Variants in PHF19 observed in about 807,000 individuals in gnomAD.
PHF19 encodes the protein polycomb like 3.
PHF19 carries 21 observed loss-of-function variants against 79.8 expected under a neutral mutation model. The observed-to-expected ratio is 0.26, with a 90% CI of 0.19 to 0.38. The LOEUF (loss-of-function observed/expected upper bound fraction) is 0.38, where lower values mean the gene tolerates loss of function less well. Among genes scored for constraint, PHF19 ranks in the 10% least tolerant of loss-of-function variants. The pLI is 1.00. For synonymous variants in PHF19, 273 were observed against 296.3 expected (o/e 0.92, Z 0.81); for missense variants, 445 against 744.2 (o/e 0.60, Z 4.68).
intron 1 of PHF19, among the ~76,000 whole-genome samples, chr9:120,883,254 C>T (rs932264637): frequency 6.6e-6 from 1 of 152,192 alleles, no homozygotes; most frequent in Non-Finnish European, 1.5e-5. Context: ...ACTGGAGATC[C>T]TATTTCCCTG....
At chr9:120,896,618 AT>A (rs1485520943), upstream of PHF19, among the ~76,000 whole-genome samples, 2 of 150,482 alleles carry the variant, frequency 1.3e-5, no homozygotes, top group South Asian at 2.1e-4. Flanking sequence ...CGCCCGGCTA[AT>A]TTTTTTTGTA....
intron 1 of PHF19, among the ~76,000 whole-genome samples, chr9:120,886,122 G>A (rs1193455887): frequency 6.6e-6 from 1 of 152,200 alleles, no homozygotes; most frequent in Non-Finnish European, 1.5e-5. Flanking sequence ...AGTCCCAGAT[G>A]CCTCCCCCTG....
At chr9:120,867,928 A>G (rs1588106750) in intron 6 of PHF19, among the ~76,000 whole-genome samples, 1 of 152,306 alleles carries the variant, frequency 6.6e-6, no homozygotes, top group South Asian at 2.1e-4. Context: ...CCATGGCTAC[A>G]TAGAGGCCCA....
chr9:120,860,446 C>T lies in PHF19; in HGVS notation c.1305-261G>A. ...AATAACTCGAGCGTGATCCAAGGCA[C>T]CTGTGCAACACTTCACAGGTCAAAA... On this transcript the variant is annotated intron_variant, in intron 13 of 14. Coordinates refer to ENST00000373896, the MANE Select transcript of PHF19 (RefSeq NM_015651.3). The surrounding 1 kb of genome is among the most constrained non-coding windows in gnomAD (Gnocchi z 4.1). 2.2e-6 allele frequency: 1 copy of T among 463,700 alleles called. No homozygotes were observed. 28.7% of individuals were successfully genotyped at this position (463,700 alleles called of 1,614,324 possible).
Position 120,869,015 on chromosome 9 carries a change from T to A in PHF19, c.614+167A>T. 20 of 172,192 alleles carry A rather than the reference T, an allele frequency of 1.2e-4. No homozygotes were observed. The highest frequency in any genetic ancestry group is 8.8e-4 in the East Asian group (2 of 2,270). 10.7% of individuals were successfully genotyped at this position (172,192 alleles called of 1,614,324 possible). ...GAGGCCCCACCCCCGCGGCTGACAC[T>A]CCAGGCCCGCCCCTCGAGGCCCCGC... On this transcript the variant is annotated intron_variant, in intron 6 of 14. Coordinates refer to ENST00000373896, the MANE Select transcript of PHF19 (RefSeq NM_015651.3). This position sits in a 1 kb window ranked among gnomAD's most constrained non-coding sequence, Gnocchi z 5.8.
chr9:120,867,201 T>C (rs756316361), intron 6 of PHF19, among the ~76,000 whole-genome samples: 4 of 152,180 alleles, frequency 2.6e-5, no homozygotes, highest in African/African-American at 7.2e-5. Flanking sequence ...AAGTCACAGG[T>C]GAAATGGCTT....
chr9:120,864,762 T>C (rs1234893842), intron 9 of PHF19, among the ~76,000 whole-genome samples: 2 of 152,186 alleles, frequency 1.3e-5, no homozygotes, highest in Non-Finnish European at 2.9e-5. Flanking sequence ...AAAAGATTAT[T>C]TAAAATTGTA....
chr9:120,858,482 AT>A (rs2045412081), intron 14 of PHF19, among the ~76,000 whole-genome samples, 196 bp from the exon 15 acceptor site: 1 of 152,200 alleles, frequency 6.6e-6, no homozygotes, highest in African/African-American at 2.4e-5. Flanking sequence ...TGCCTTGGGC[AT>A]AGATTATCTC....
rs2045369235 is a variant in PHF19, at chr9:120,856,764, G to A, written c.*1180C>T. ...TTGTCCATTTCAGGGCAGGGCAAGG[G>A]ATATGAAAGAGGGTGAGTCCCCTGT... On this transcript the variant is annotated 3_prime_UTR_variant, in exon 15 of 15. Coordinates refer to ENST00000373896, the MANE Select transcript of PHF19 (RefSeq NM_015651.3). 1 of 152,742 alleles carries A rather than the reference G, an allele frequency of 6.5e-6. No homozygotes were observed. Among genetic ancestry groups the A allele is most frequent in the South Asian group, 2.1e-4 (1 of 4,838 alleles). 9.5% of individuals were successfully genotyped at this position (152,742 alleles called of 1,614,324 possible). A position where few individuals can be genotyped will look rare whatever the true frequency, so the allele number is the denominator to read the frequency against.
At chr9:120,883,439 A>G (rs932589218) in intron 1 of PHF19, among the ~76,000 whole-genome samples, 1 of 152,346 alleles carries the variant, frequency 6.6e-6, no homozygotes, top group East Asian at 1.9e-4. Context: ...ATGAAGATGA[A>G]TAAGATGCAG....
In PHF19 at chr9:120,862,657, T is replaced by C. The variant is rs2045567949; in HGVS notation, c.1061A>G (p.Asp354Gly). The C allele has an allele frequency of 6.2e-7, 1 of 1,614,074 alleles. No homozygotes were observed. The highest frequency in any genetic ancestry group is 1.7e-5 in the Admixed American group (1 of 60,010). The change falls in exon 11 of 15, where the codon GAC becomes GGC. Residue 354 changes from aspartate to glycine, a missense_variant. Transcript: ENST00000373896. This position sits in a 1 kb window ranked among gnomAD's most constrained non-coding sequence, Gnocchi z 4.6. Reference sequence around the variant, plus strand: ...GTTCTCATTTGGCAGCAGTCCTTTGTCAGGCAGCAGCTTCCCTGGCGGGTT... The same window carrying C: ...GTTCTCATTTGGCAGCAGTCCTTTGCCAGGCAGCAGCTTCCCTGGCGGGTT... ...PPNPPGKLLPDKGLLPNENSA... is the reference protein window; with the variant it reads ...PPNPPGKLLPGKGLLPNENSA...
chr9:120,863,243 G>A (rs2045589630), intron 10 of PHF19, among the ~76,000 whole-genome samples: 3 of 149,818 alleles, frequency 2.0e-5, no homozygotes, highest in Non-Finnish European at 4.5e-5. Context: ...TGGGAGGGCA[G>A]GTGGCCTCTT....
chr9:120,869,654 T>A lies in PHF19; in HGVS notation c.465+191A>T. The A allele has an allele frequency of 6.5e-7, 1 of 1,544,330 alleles. No homozygotes were observed. Among genetic ancestry groups the A allele is most frequent in the Non-Finnish European group, 8.8e-7 (1 of 1,141,536 alleles). ...TTCCCGACACCAAACCCATCTCCAC[T>A]TTACAGTTGAGGAAACTGAGGCTCA... is the stretch of plus-strand genomic sequence containing the variant. On this transcript the variant is annotated intron_variant, in intron 5 of 14. Coordinates refer to ENST00000373896, the MANE Select transcript of PHF19 (RefSeq NM_015651.3). This position sits in a 1 kb window ranked among gnomAD's most constrained non-coding sequence, Gnocchi z 5.8.
Position 120,862,518 on chromosome 9 carries a change from C to G in PHF19, c.1130+70G>C. ...CTGGGACTGGCTGGGTGCAGGTCCTCCTTGCTTGCTTGGAAGCAGAGAAAC... is the reference window on the plus strand; with the variant it reads ...CTGGGACTGGCTGGGTGCAGGTCCTGCTTGCTTGCTTGGAAGCAGAGAAAC... On this transcript the variant is annotated intron_variant, in intron 11 of 14. Transcript: ENST00000373896. The surrounding 1 kb of genome is among the most constrained non-coding windows in gnomAD (Gnocchi z 4.6). 7.0e-7 allele frequency: 1 copy of G among 1,437,548 alleles called. No individual in the cohort carries two copies. Among genetic ancestry groups the G allele is most frequent in the Non-Finnish European group, 9.7e-7 (1 of 1,027,122 alleles). 89.0% of individuals were successfully genotyped at this position (1,437,548 alleles called of 1,614,324 possible). A position where few individuals can be genotyped will look rare whatever the true frequency, so the allele number is the denominator to read the frequency against.
At chr9:120,892,094 C>T (rs986476754) in intron 1 of PHF19, among the ~76,000 whole-genome samples, 4 of 152,092 alleles carry the variant, frequency 2.6e-5, no homozygotes, top group African/African-American at 7.2e-5. Context: ...AAAGAGAATG[C>T]CAAAAATCTG....
rs1256134765 is a variant in PHF19, at chr9:120,870,973, T to C, written c.269-435A>G. On this transcript the variant is annotated intron_variant, in intron 3 of 14. Transcript: ENST00000373896. This position sits in a 1 kb window ranked among gnomAD's most constrained non-coding sequence, Gnocchi z 4.4. ...GCTGGAGTGCAGTGGTGTGATCTTG[T>C]CTCACTGCAACCTCCGCCTCCCTGG... Among the ~76,000 whole-genome samples, 1 of 152,164 alleles carries C rather than the reference T, an allele frequency of 6.6e-6. No homozygotes were observed. The highest frequency in any genetic ancestry group is 1.5e-5 in the Non-Finnish European group (1 of 68,022).
At chr9:120,865,960 C>A in intron 8 of PHF19, 68 bp downstream of exon 8, 1 of 1,572,916 alleles carries the variant, frequency 6.4e-7, no homozygotes, top group South Asian at 1.1e-5. Flanking sequence ...GGAATTGTTC[C>A]AGGAGGGAGG....
intron 1 of PHF19, among the ~76,000 whole-genome samples, chr9:120,884,977 T>C (rs889986233): frequency 6.6e-6 from 1 of 151,924 alleles, no homozygotes; most frequent in Non-Finnish European, 1.5e-5. Context: ...CCCAACTACT[T>C]AGGAGGTTGA....
intron 3 of PHF19, among the ~76,000 whole-genome samples, chr9:120,871,643 A>G (rs2045897333): frequency 6.6e-6 from 1 of 152,200 alleles, no homozygotes; most frequent in African/African-American, 2.4e-5. Context: ...TGAAGAATAA[A>G]TATGTTTTTA....
Sources: allele counts gnomAD v4.1 joint callset (sites outside exome capture counted in the v4.1 genomes callset), GRCh38; gene constraint gnomAD v4.1.1; non-coding constraint Gnocchi (gnomAD v3.1); transcripts MANE v1.5; gene names NCBI Gene and HGNC (gene_info 2026-07-23, HGNC 2026-07-21).